The following PHACTR4 variants were observed in gnomAD, a reference collection of about 807,000 sequenced individuals.
The protein encoded by PHACTR4 is phosphatase and actin regulator 4, also known as protein phosphatase 1, regulatory subunit 124.
A neutral mutation model predicts 72.7 loss-of-function variants in PHACTR4; 51 were observed. The observed-to-expected ratio is 0.70, with a 90% CI of 0.56 to 0.89. The LOEUF (loss-of-function observed/expected upper bound fraction) is 0.89. PHACTR4 is among the 40% of genes least tolerant of loss of function. The pLI is 0.00. For synonymous variants in PHACTR4, 255 were observed against 302.5 expected, an observed-to-expected ratio of 0.84 and a Z score of 1.63; for missense variants, 731 against 861.8, an observed-to-expected ratio of 0.85 and a Z score of 1.90.
Position 28,473,520 on chromosome 1 carries a change from T to C in PHACTR4, c.824-34T>C, listed in dbSNP as rs202140260. 268 of 1,498,462 alleles carry C rather than the reference T, an allele frequency of 1.8e-4. No individual in the cohort carries two copies. The African/African-American group carries it at 3.2e-3, about 18-fold the overall frequency. The allele number at this position is 1,498,462 out of a possible 1,614,324, so 92.8% of individuals were successfully genotyped here. A position where few individuals can be genotyped will look rare whatever the true frequency, so the allele number is the denominator to read the frequency against. On this transcript the variant is annotated intron_variant, in intron 6 of 13. Transcript: ENST00000373839. ...GCCGGCCCTTCAAAGCATTGGAAAG[T>C]CGTGAAATTGATGTGTTGCTCTCTC... is the stretch of plus-strand genomic sequence containing the variant.
intron 6 of PHACTR4, among the ~76,000 whole-genome samples, chr1:28,467,725 G>A (rs1450037733): frequency 1.3e-5 from 2 of 152,094 alleles, no homozygotes; most frequent in Non-Finnish European, 2.9e-5. Context: ...TATCTTGGGA[G>A]AATTAAGAAT....
chr1:28,456,307 A>G (rs1658381539), intron 2 of PHACTR4, among the ~76,000 whole-genome samples: 1 of 152,160 alleles, frequency 6.6e-6, no homozygotes, highest in Non-Finnish European at 1.5e-5. Context: ...ACATACTTTT[A>G]AACGACCAGA....
In PHACTR4 at chr1:28,388,132, G is replaced by A. The variant is rs116544184; in HGVS notation, c.-39+18307G>A. Among the ~76,000 whole-genome samples the A allele has an allele frequency of 3.4e-3, 518 of 152,084 alleles. 2 individuals are homozygous for A. The highest frequency in any genetic ancestry group is 0.014 in the Middle Eastern group (4 of 294). ...CCTGAGCCAGGAGACTGAGGATGCAGTAAGCTGTGATGGTGCCATTATGCT... is the reference window on the plus strand; with the variant it reads ...CCTGAGCCAGGAGACTGAGGATGCAATAAGCTGTGATGGTGCCATTATGCT... On this transcript the variant is annotated intron_variant, in intron 1 of 13. Transcript: ENST00000373839.
intron 2 of PHACTR4, among the ~76,000 whole-genome samples, chr1:28,413,304 G>T (rs1256043857): frequency 6.6e-6 from 1 of 152,162 alleles, no homozygotes; most frequent in Admixed American, 6.5e-5. Context: ...TATTGGTGAT[G>T]ACAGCTTTCA....
chr1:28,398,090 C>G (rs1161867562), intron 1 of PHACTR4, among the ~76,000 whole-genome samples: 1 of 152,136 alleles, frequency 6.6e-6, no homozygotes, highest in Non-Finnish European at 1.5e-5. Flanking sequence ...GACCTAGCCA[C>G]AGTTACCAAG....
At chr1:28,447,209 G>A (rs1278537396) in intron 2 of PHACTR4, among the ~76,000 whole-genome samples, 4 of 151,562 alleles carry the variant, frequency 2.6e-5, no homozygotes, top group Admixed American at 6.6e-5. Flanking sequence ...ACGGGGTTTC[G>A]CCGTATTGGC....
At position 28,460,075 on chromosome 1, in the gene PHACTR4, A is replaced by AG. The variant is rs561218801; in HGVS notation, c.191-136dup. ...AATTTAAGAGTTTTAATTTGAAGTT[A>AG]GTCTGCTAGTTATTTTCTTTCCTGA... is the stretch of plus-strand genomic sequence containing the variant. On this transcript the variant is annotated intron_variant, in intron 3 of 13. Transcript: ENST00000373839. 5.0e-4 allele frequency: 256 copies of AG among 512,260 alleles called. 1 individual carries two copies. In the Admixed American group the frequency reaches 8.4e-3, roughly 17 times the overall value. 31.7% of individuals were successfully genotyped at this position (512,260 alleles called of 1,614,324 possible).
intron 2 of PHACTR4, among the ~76,000 whole-genome samples, chr1:28,447,601 G>GT (rs1186578567): frequency 2.0e-5 from 3 of 151,436 alleles, no homozygotes; most frequent in African/African-American, 7.3e-5. Context: ...AAAGTTTGAA[G>GT]TTTTTTTTCC....
chr1:28,408,514 A>G (rs1654527363), intron 2 of PHACTR4, among the ~76,000 whole-genome samples: 3 of 152,178 alleles, frequency 2.0e-5, no homozygotes, highest in South Asian at 2.1e-4. Flanking sequence ...AGCCGGGATC[A>G]TGCCACTGCA....
At chr1:28,428,733 G>A (rs967047935) in intron 2 of PHACTR4, among the ~76,000 whole-genome samples, 9 of 152,174 alleles carry the variant, frequency 5.9e-5, no homozygotes, top group Admixed American at 5.2e-4. Flanking sequence ...AACTATTGGG[G>A]AGGTGGGGTT....
At chr1:28,390,906 G>A (rs1001318827) in intron 1 of PHACTR4, among the ~76,000 whole-genome samples, 3 of 151,686 alleles carry the variant, frequency 2.0e-5, no homozygotes, top group African/African-American at 7.3e-5. Flanking sequence ...ACCAGCCTGG[G>A]CAACATGGTG....
intron 13 of PHACTR4, among the ~76,000 whole-genome samples, chr1:28,493,992 C>T (rs1661186871): frequency 6.6e-6 from 1 of 152,172 alleles, no homozygotes; most frequent in South Asian, 2.1e-4. Context: ...AGGACCCACC[C>T]ATATCCAAAG....
At chr1:28,420,563 G>A (rs1308064290) in intron 2 of PHACTR4, among the ~76,000 whole-genome samples, 1 of 152,144 alleles carries the variant, frequency 6.6e-6, no homozygotes, top group East Asian at 1.9e-4. Flanking sequence ...CCTTATAGCA[G>A]TGTGAGAACA....
chr1:28,496,257 C>T (rs1396460133), intron 13 of PHACTR4, among the ~76,000 whole-genome samples: 4 of 151,424 alleles, frequency 2.6e-5, no homozygotes, highest in Non-Finnish European at 4.4e-5. Flanking sequence ...AGGGTTTCAC[C>T]GTGTTAGCCA....
chr1:28,474,291 AAATGGACCG>A, intron 7 of PHACTR4, 140 bp downstream of exon 7: 2 of 756,160 alleles, frequency 2.6e-6, no homozygotes, highest in Admixed American at 5.2e-5. Context: ...AAGCTGAGGC[AAATGGACCG>A]ATCACCTGAG....
At chr1:28,403,512 T>C (rs1451118909) in intron 1 of PHACTR4, among the ~76,000 whole-genome samples, 3 of 152,200 alleles carry the variant, frequency 2.0e-5, no homozygotes, top group African/African-American at 7.2e-5. Flanking sequence ...AACAGCATGC[T>C]ACCACAGTAT....
intron 6 of PHACTR4, among the ~76,000 whole-genome samples, chr1:28,471,137 C>T (rs377115087): frequency 1.3e-5 from 2 of 152,056 alleles, no homozygotes; most frequent in South Asian, 2.1e-4. Context: ...CACCTGAGGT[C>T]GGGAGTTCAA....
chr1:28,447,033 T>TA (rs1657528601), intron 2 of PHACTR4, among the ~76,000 whole-genome samples: 1 of 152,084 alleles, frequency 6.6e-6, no homozygotes, highest in African/African-American at 2.4e-5. Flanking sequence ...TTTATTTAGA[T>TA]AGAGTCTCAC....
intron 1 of PHACTR4, among the ~76,000 whole-genome samples, chr1:28,386,625 G>A (rs1652577508): frequency 6.6e-6 from 1 of 151,970 alleles, no homozygotes; most frequent in Non-Finnish European, 1.5e-5. Flanking sequence ...TATATATGTG[G>A]CGGTGTGAGC....
Sources: allele counts gnomAD v4.1 joint callset (sites outside exome capture counted in the v4.1 genomes callset), GRCh38; gene constraint gnomAD v4.1.1; transcripts MANE v1.5; gene names NCBI Gene and HGNC (gene_info 2026-07-23, HGNC 2026-07-21).